The following ZCCHC10 variants were observed in gnomAD, a reference collection of about 807,000 sequenced individuals.
ZCCHC10 encodes zinc finger CCHC-type containing 10, also known as zinc finger CCHC domain-containing protein 10.
A neutral mutation model predicts 19.5 loss-of-function variants in ZCCHC10; 16 were observed. The observed-to-expected ratio is 0.82, with a 90% CI of 0.56 to 1.25. The LOEUF is 1.25. Among genes scored for constraint, ZCCHC10 ranks in the 50% most tolerant of loss-of-function variants. The pLI is 0.00. For missense variants in ZCCHC10, 197 were observed against 201.0 expected (o/e 0.98, Z 0.12); for synonymous variants, 67 against 72.5 (o/e 0.92, Z 0.38).
chr5:133,015,675 C>G (rs1043975070), intron 2 of ZCCHC10, among the ~76,000 whole-genome samples: 1 of 152,162 alleles, frequency 6.6e-6, no homozygotes, highest in African/African-American at 2.4e-5. Flanking sequence ...TCTGGTCAAG[C>G]CTTCAGATAA....
chr5:133,021,321 G>A (rs529031702), intron 2 of ZCCHC10, among the ~76,000 whole-genome samples: 3 of 152,234 alleles, frequency 2.0e-5, no homozygotes, highest in Non-Finnish European at 4.4e-5. Flanking sequence ...GAGCTACTGC[G>A]CCCAGCCTTT....
chr5:133,004,505 TGAGACG>T (rs563630639), intron 3 of ZCCHC10, among the ~76,000 whole-genome samples: 30 of 151,274 alleles, frequency 2.0e-4, no homozygotes, highest in African/African-American at 7.1e-4. Flanking sequence ...TTTTATTTTC[TGAGACG>T]GAGTCTCGCT....
Position 133,004,574 on chromosome 5 carries a change from C to T in ZCCHC10, c.269+2185G>A, listed in dbSNP as rs148964480. ...GCGATCTCGGCTCCCTTGCAAGCTC[C>T]GCCTTCCGGGTTCACGCCATTCTCC... On this transcript the variant is annotated intron_variant, in intron 3 of 4. Coordinates refer to ENST00000509437, the MANE Select transcript of ZCCHC10 (RefSeq NM_001300816.3). 7.0e-3 allele frequency among the ~76,000 whole-genome samples: 1,067 copies of T among 152,198 alleles called. 13 individuals are homozygous for T. The highest frequency in any genetic ancestry group is 0.015 in the African/African-American group (638 of 41,538).
chr5:133,024,921 C>A (rs905630563), intron 1 of ZCCHC10, among the ~76,000 whole-genome samples: 1 of 151,432 alleles, frequency 6.6e-6, no homozygotes, highest in African/African-American at 2.4e-5. Context: ...ACAAAAAAAA[C>A]CTGTCTGACT....
intron 2 of ZCCHC10, among the ~76,000 whole-genome samples, chr5:133,010,457 A>T (rs1763425430): frequency 6.6e-6 from 1 of 152,098 alleles, no homozygotes; most frequent in African/African-American, 2.4e-5. Context: ...ACATGAGAGA[A>T]AACAAATTTC....
chr5:133,018,021 T>A (rs746269800), intron 2 of ZCCHC10, among the ~76,000 whole-genome samples: 35 of 151,898 alleles, frequency 2.3e-4, no homozygotes, highest in Non-Finnish European at 4.3e-4. Flanking sequence ...GGCACATGCC[T>A]GTAGTCCCAA....
At chr5:133,019,951 CAA>C (rs34652763) in intron 2 of ZCCHC10, among the ~76,000 whole-genome samples, 25 of 95,278 alleles carry the variant, frequency 2.6e-4, no homozygotes, top group Admixed American at 2.6e-4. Context: ...GACTCCAGCT[CAA>C]AAAAAAAAAA....
chr5:133,003,451 C>A, intron 3 of ZCCHC10: 1 of 223,024 alleles, frequency 4.5e-6, no homozygotes. Flanking sequence ...GGAAATATTT[C>A]TCCTCTAAAT....
At chr5:133,004,983 G>T (rs1763016099) in intron 3 of ZCCHC10, among the ~76,000 whole-genome samples, 1 of 151,490 alleles carries the variant, frequency 6.6e-6, no homozygotes, top group South Asian at 2.1e-4. Context: ...CTTCAATTTT[G>T]TTGAGGGAAA....
intron 2 of ZCCHC10, among the ~76,000 whole-genome samples, chr5:133,017,177 C>T (rs1259050501): frequency 6.6e-6 from 1 of 152,162 alleles, no homozygotes; most frequent in East Asian, 1.9e-4. Flanking sequence ...ATGACCTCTG[C>T]AACCTGCTGA....
rs1242812450 is a variant in ZCCHC10, at chr5:132,997,603, T to C, written c.*980A>G. The C allele has an allele frequency of 6.6e-6, 1 of 152,130 alleles. No individual in the cohort carries two copies. The highest frequency in any genetic ancestry group is 2.4e-5 in the African/African-American group (1 of 41,458). The allele number at this position is 152,130 out of a possible 1,614,324, so 9.4% of individuals were successfully genotyped here. A position where few individuals can be genotyped will look rare whatever the true frequency, so the allele number is the denominator to read the frequency against. On this transcript the variant is annotated 3_prime_UTR_variant, in exon 5 of 5. Transcript: ENST00000509437. ...TCATTCATATATATGCAGTAGACTGTCATATATGACCAGTTACCATACAAA... is the reference window on the plus strand; with the variant it reads ...TCATTCATATATATGCAGTAGACTGCCATATATGACCAGTTACCATACAAA...
chr5:132,998,901 T>C lies in ZCCHC10; in HGVS notation c.312-51A>G, dbSNP rs1262093927. ...CATGGGAAGGTGACATGTAATAGAA[T>C]GTTAAAAGCAATTTCATTTTTTTTT... On this transcript the variant is annotated intron_variant, in intron 4 of 4. Coordinates refer to ENST00000509437, the MANE Select transcript of ZCCHC10 (RefSeq NM_001300816.3). 8 of 1,574,940 alleles carry C rather than the reference T, an allele frequency of 5.1e-6. 1 individual carries two copies. The Admixed American group carries it at 9.4e-5, about 19-fold the overall frequency.
At position 133,022,871 on chromosome 5, in the gene ZCCHC10, CA is replaced by C. The variant is rs1315502280; in HGVS notation, c.76del (p.Trp26GlyfsTer3). 1 of 613,658 alleles carries C rather than the reference CA, an allele frequency of 1.6e-6. No individual in the cohort carries two copies. Among genetic ancestry groups the C allele is most frequent in the South Asian group, 1.9e-5 (1 of 52,388 alleles). The allele number at this position is 613,658 out of a possible 1,614,324, so 38.0% of individuals were successfully genotyped here. On this transcript the variant is annotated frameshift_variant, in exon 2 of 5. Transcript: ENST00000509437. LOFTEE classifies it high-confidence loss of function. Reference protein sequence around the residue: ...DTELQPVKTFWILIQPSIVIS... With the variant: ...DTELQPVKTFXILIQPSIVIS... ...AACGATGGATGGCTGAATCAGGATC[CA>C]AAAGGTCTTGACAGGCTGCAACTCT...
chr5:133,025,320 C>A (rs1764601392), intron 1 of ZCCHC10, among the ~76,000 whole-genome samples: 1 of 151,402 alleles, frequency 6.6e-6, no homozygotes, highest in South Asian at 2.1e-4. Context: ...CTGGCTAACA[C>A]GGTGAAACCC....
rs950697306 is a variant in ZCCHC10, at chr5:133,026,407, C to G, written c.41+90G>C. The G allele has an allele frequency of 2.0e-6, 3 of 1,515,270 alleles. No individual in the cohort carries two copies. In the African/African-American group the frequency reaches 4.1e-5, roughly 21 times the overall value. The allele number at this position is 1,515,270 out of a possible 1,614,324, so 93.9% of individuals were successfully genotyped here. On this transcript the variant is annotated intron_variant, in intron 1 of 4. Transcript: ENST00000509437. ...GTGTTTGAGAAACGGACATTCTCCG[C>G]CGGTCCCAATAGGGGTCCGACACCA... is the stretch of plus-strand genomic sequence containing the variant.
Position 133,025,717 on chromosome 5 carries a change from T to C in ZCCHC10, c.41+780A>G, listed in dbSNP as rs150057459. 7.1e-3 allele frequency among the ~76,000 whole-genome samples: 1,086 copies of C among 152,238 alleles called. 3 individuals are homozygous for C. Among genetic ancestry groups the C allele is most frequent in the Non-Finnish European group, 9.7e-3 (660 of 68,010 alleles). On this transcript the variant is annotated intron_variant, in intron 1 of 4. Transcript: ENST00000509437. ...AAATCCTCGTATGACTGTTCCTTTT[T>C]CATCCTTTAAATCTCTGTTCAAATT... is the stretch of plus-strand genomic sequence containing the variant.
intron 2 of ZCCHC10, among the ~76,000 whole-genome samples, chr5:133,021,056 C>T (rs1030197095): frequency 6.6e-6 from 1 of 151,866 alleles, no homozygotes; most frequent in Admixed American, 6.6e-5. Flanking sequence ...GCCACCATGC[C>T]CGGCTAATTT....
At chr5:132,999,078 G>A (rs1223078938) in intron 4 of ZCCHC10, among the ~76,000 whole-genome samples, 1 of 151,980 alleles carries the variant, frequency 6.6e-6, no homozygotes, top group African/African-American at 2.4e-5. Context: ...CCGACGCCCA[G>A]ATGATTTTTG....
At chr5:133,013,295 A>G (rs1294636635) in intron 2 of ZCCHC10, among the ~76,000 whole-genome samples, 1 of 150,622 alleles carries the variant, frequency 6.6e-6, no homozygotes, top group Non-Finnish European at 1.5e-5. Flanking sequence ...GGAAACACAA[A>G]TTAACAATAA....
Sources: gnomAD v4.1 joint callset for allele counts (sites outside exome capture counted in the v4.1 genomes callset) on GRCh38, gnomAD v4.1.1 for gene constraint, MANE v1.5 for transcripts, NCBI Gene and HGNC (gene_info 2026-07-23, HGNC 2026-07-21) for gene names.